Variants in VOPP1 observed in about 807,000 individuals in gnomAD.
VOPP1 encodes VOPP1 WW domain binding protein.
A neutral mutation model predicts 23.5 loss-of-function variants in VOPP1; 8 were observed. The ratio of observed to expected loss-of-function variants is 0.34; its 90% CI spans 0.20 to 0.61. The LOEUF (loss-of-function observed/expected upper bound fraction) is 0.61. Ranked by LOEUF, VOPP1 falls within the 20% of genes least tolerant of loss-of-function variation. VOPP1 has a pLI of 0.78. For synonymous variants in VOPP1, 83 were observed against 97.3 expected (o/e 0.85, Z 0.86); for missense variants, 174 against 238.1 (o/e 0.73, Z 1.77).
At chr7:55,567,340 G>A (rs554531523) in intron 1 of VOPP1, among the ~76,000 whole-genome samples, 108 of 152,350 alleles carry the variant, frequency 7.1e-4, no homozygotes, top group Non-Finnish European at 1.3e-3. Flanking sequence ...TATGGGAAAA[G>A]GAGGATATTG....
intron 2 of VOPP1, among the ~76,000 whole-genome samples, chr7:55,520,745 T>G (rs149280808): frequency 0.011 from 1,671 of 152,338 alleles, 11 homozygotes; most frequent in Middle Eastern, 0.02. Flanking sequence ...TATGATCCTT[T>G]CTCTCTTTGA....
intron 3 of VOPP1, 23 bp downstream of exon 3, chr7:55,497,590 A>G: frequency 6.5e-7 from 1 of 1,548,098 alleles, no homozygotes. Context: ...CGGGGTAGGG[A>G]ACAAGGAGGA....
chr7:55,448,244 G>A (rs572159709), intron 4 of VOPP1, among the ~76,000 whole-genome samples: 1 of 152,138 alleles, frequency 6.6e-6, no homozygotes, highest in African/African-American at 2.4e-5. Flanking sequence ...ATTTATAATA[G>A]AGAAAAATTA....
chr7:55,494,210 C>T (rs987461781), intron 3 of VOPP1, among the ~76,000 whole-genome samples: 37 of 152,326 alleles, frequency 2.4e-4, no homozygotes, highest in Admixed American at 1.4e-3. Flanking sequence ...CCAAAGGGAA[C>T]GGCTTCCTCT....
Position 55,472,996 on chromosome 7 carries a change from C to T in VOPP1, c.378G>A (p.Gly126=). 6 of 1,596,844 alleles carry T rather than the reference C, an allele frequency of 3.8e-6. No individual in the cohort carries two copies. Among genetic ancestry groups the T allele is most frequent in the Non-Finnish European group, 5.1e-6 (6 of 1,173,330 alleles). The part of the protein sequence containing the change: ...PPYYTDPGGP[G]MNPVGNSMAM... ...CCATGGAATTCCCGACAGGGTTCAT[C>T]CCCGGTCCTCCTGGGTCGGTGTAAT... Residue 126 remains glycine (G), a synonymous_variant, in exon 5 of 5, where the codon GGG becomes GGA. Transcript: ENST00000285279.
At position 55,572,346 on chromosome 7, in the gene VOPP1, C is replaced by G; in HGVS notation, c.-22G>C. On this transcript the variant is annotated 5_prime_UTR_variant, in exon 1 of 5. Coordinates refer to ENST00000285279, the MANE Select transcript of VOPP1 (RefSeq NM_030796.5). Reference sequence around the variant, plus strand: ...TCATGGCTCCTCGCGTCCTCTCCAGCGCGCCCGGACGCCGGGTCGCAGGCG... The same window carrying G: ...TCATGGCTCCTCGCGTCCTCTCCAGGGCGCCCGGACGCCGGGTCGCAGGCG... 1 of 1,342,684 alleles carries G rather than the reference C, an allele frequency of 7.4e-7. No individual in the cohort carries two copies. Among genetic ancestry groups the G allele is most frequent in the Non-Finnish European group, 9.5e-7 (1 of 1,048,196 alleles). The allele number at this position is 1,342,684 out of a possible 1,614,324, so 83.2% of individuals were successfully genotyped here. A position where few individuals can be genotyped will look rare whatever the true frequency, so the allele number is the denominator to read the frequency against.
At chr7:55,441,275 T>C (rs1790958246) in intron 4 of VOPP1, among the ~76,000 whole-genome samples, 1 of 152,154 alleles carries the variant, frequency 6.6e-6, no homozygotes, top group Admixed American at 6.5e-5. Flanking sequence ...CCATGGCCTA[T>C]GGTACAACTA....
chr7:55,469,794 G>A (rs116017172), downstream of VOPP1, among the ~76,000 whole-genome samples: 1 of 152,348 alleles, frequency 6.6e-6, no homozygotes, highest in Non-Finnish European at 1.5e-5. Flanking sequence ...ATATACTTGT[G>A]TGCACTGCCC....
At chr7:55,496,497 C>T (rs554680494) in intron 3 of VOPP1, among the ~76,000 whole-genome samples, 2 of 152,334 alleles carry the variant, frequency 1.3e-5, no homozygotes, top group African/African-American at 4.8e-5. Context: ...GGACCTGACA[C>T]CAGCTCCCTT....
chr7:55,549,398 TCCTAAGAC>T (rs1209998757), intron 1 of VOPP1, among the ~76,000 whole-genome samples: 2 of 152,142 alleles, frequency 1.3e-5, no homozygotes, highest in Non-Finnish European at 2.9e-5. Flanking sequence ...GCTTAATTTC[TCCTAAGAC>T]CCCCAAATCC....
intron 1 of VOPP1, among the ~76,000 whole-genome samples, chr7:55,553,184 C>T (rs1584109951): frequency 6.6e-6 from 1 of 152,170 alleles, no homozygotes; most frequent in East Asian, 1.9e-4. Context: ...TATGTGTTGC[C>T]CTAGCAGGAG....
intron 4 of VOPP1, among the ~76,000 whole-genome samples, chr7:55,451,364 T>C (rs1562881199): frequency 1.3e-5 from 2 of 152,180 alleles, no homozygotes; most frequent in Non-Finnish European, 2.9e-5. Context: ...TAAGTGAACA[T>C]TGCAATAAAG....
intron 4 of VOPP1, among the ~76,000 whole-genome samples, chr7:55,436,939 TCATC>T (rs1200319228): frequency 6.6e-6 from 1 of 152,122 alleles, no homozygotes; most frequent in Admixed American, 6.5e-5. Context: ...TTTCATAGGA[TCATC>T]CAGCAGATAC....
chr7:55,511,818 C>T (rs1795089951), intron 2 of VOPP1, among the ~76,000 whole-genome samples: 1 of 152,098 alleles, frequency 6.6e-6, no homozygotes, highest in Non-Finnish European at 1.5e-5. Context: ...TATATAAAAC[C>T]AAGCAGTGCC....
chr7:55,526,484 TC>T (rs1379646575), intron 1 of VOPP1, among the ~76,000 whole-genome samples: 5 of 152,150 alleles, frequency 3.3e-5, no homozygotes, highest in African/African-American at 1.2e-4. Flanking sequence ...TGAGTGCTTC[TC>T]CCTTTTCTAT....
At chr7:55,518,433 G>A (rs1046040555) in intron 2 of VOPP1, among the ~76,000 whole-genome samples, 1 of 152,370 alleles carries the variant, frequency 6.6e-6, no homozygotes, top group South Asian at 2.1e-4. Context: ...CCAGGCAGCA[G>A]GGTTATGGAA....
rs1456417619 is a variant in VOPP1 at position 55,506,173 on chromosome 7, C to T, written c.114-8483G>A. Among the ~76,000 whole-genome samples the T allele has an allele frequency of 2.0e-5, 3 of 152,212 alleles. No homozygotes were observed. The East Asian group carries it at 5.8e-4, about 29-fold the overall frequency. ...CTGGTGGGCTGTTTGTCTCTGGGCA[C>T]ACTGGTGCCCAGGGCATTCCTGCCT... On this transcript the variant is annotated intron_variant, in intron 2 of 4. Coordinates refer to ENST00000285279, the MANE Select transcript of VOPP1 (RefSeq NM_030796.5).
intron 4 of VOPP1, among the ~76,000 whole-genome samples, chr7:55,459,068 TGA>T (rs914241880): frequency 4.4e-5 from 6 of 136,042 alleles, no homozygotes; most frequent in Admixed American, 2.1e-4. Flanking sequence ...TCTAATTTGT[TGA>T]GAGTTTTTTT....
intron 4 of VOPP1, among the ~76,000 whole-genome samples, chr7:55,490,991 G>T (rs931545437): frequency 9.8e-5 from 15 of 152,312 alleles, no homozygotes; most frequent in Non-Finnish European, 2.1e-4. Flanking sequence ...GAAAACAGAA[G>T]AGAGAAGATA....
Sources: allele counts gnomAD v4.1 joint callset (sites outside exome capture counted in the v4.1 genomes callset), GRCh38; gene constraint gnomAD v4.1.1; transcripts MANE v1.5; gene names NCBI Gene and HGNC (gene_info 2026-07-23, HGNC 2026-07-21).